RHOBTB1: variants seen among roughly 807,000 people sequenced by gnomAD.
RHOBTB1 encodes the protein rho-related BTB domain-containing protein 1.
In RHOBTB1, 40 loss-of-function variants were observed where a neutral mutation model predicts 71.6. The observed-to-expected ratio is 0.56, with a 90% CI of 0.43 to 0.73. The LOEUF is 0.73. RHOBTB1 is among the 30% of genes least tolerant of loss of function. RHOBTB1 has a pLI of 0.00. For missense variants in RHOBTB1, 797 were observed against 894.0 expected, an observed-to-expected ratio of 0.89 and a Z score of 1.38; for synonymous variants, 319 against 334.9, an observed-to-expected ratio of 0.95 and a Z score of 0.52.
intron 2 of RHOBTB1, among the ~76,000 whole-genome samples, chr10:60,922,900 G>A (rs1211489037): frequency 6.6e-6 from 1 of 152,158 alleles, no homozygotes; most frequent in East Asian, 1.9e-4. Context: ...GTCAGGTGAG[G>A]GGGTGCTGCC....
At chr10:60,864,628 G>A (rs1358837667), downstream of RHOBTB1, among the ~76,000 whole-genome samples, 2 of 151,646 alleles carry the variant, frequency 1.3e-5, no homozygotes, top group African/African-American at 4.8e-5. Context: ...TTCTTTTTTG[G>A]ATTGTTAAGC....
At chr10:60,997,642 T>C (rs2087103792) in intron 1 of RHOBTB1, among the ~76,000 whole-genome samples, 6 of 152,220 alleles carry the variant, frequency 3.9e-5, no homozygotes, top group Admixed American at 3.9e-4. Flanking sequence ...CTATTTGGAC[T>C]GTCCAAGCAT....
intron 2 of RHOBTB1, among the ~76,000 whole-genome samples, chr10:60,955,721 T>A (rs995261113): frequency 6.6e-6 from 1 of 152,184 alleles, no homozygotes; most frequent in Non-Finnish European, 1.5e-5. Context: ...ATGTGTCAGT[T>A]ACAGATACTC....
chr10:60,929,646 TA>T (rs2084112017), intron 2 of RHOBTB1, among the ~76,000 whole-genome samples: 1 of 152,150 alleles, frequency 6.6e-6, no homozygotes, highest in Non-Finnish European at 1.5e-5. Context: ...CTGCCAGAGA[TA>T]ATCTAGAAGG....
rs370454260 is a variant in RHOBTB1 at position 60,886,084 on chromosome 10, A to T, written c.1575+28T>A. The T allele has an allele frequency of 8.0e-6, 12 of 1,500,956 alleles. No individual in the cohort carries two copies. The African/African-American group carries it at 1.5e-4, about 19-fold the overall frequency. The allele number at this position is 1,500,956 out of a possible 1,614,324, so 93.0% of individuals were successfully genotyped here. Reference sequence around the variant, plus strand: ...CAGGCACACATACATTCATAAAGACACCACTATGCTTTTAGGAAGGCACGT... The same window carrying T: ...CAGGCACACATACATTCATAAAGACTCCACTATGCTTTTAGGAAGGCACGT... On this transcript the variant is annotated intron_variant, in intron 7 of 10. Transcript: ENST00000337910.
At chr10:60,981,622 A>G (rs1184776112) in intron 2 of RHOBTB1, among the ~76,000 whole-genome samples, 2 of 152,220 alleles carry the variant, frequency 1.3e-5, no homozygotes, top group African/African-American at 4.8e-5. Flanking sequence ...ATAACCAATT[A>G]ATCAAGATCT....
chr10:60,980,999 G>C (rs2086477519), intron 2 of RHOBTB1, among the ~76,000 whole-genome samples: 1 of 152,172 alleles, frequency 6.6e-6, no homozygotes, highest in Admixed American at 6.5e-5. Context: ...ATGCTAGAAA[G>C]ATGTGTACAT....
At chr10:60,962,083 C>T (rs1318919730) in intron 2 of RHOBTB1, among the ~76,000 whole-genome samples, 3 of 152,086 alleles carry the variant, frequency 2.0e-5, no homozygotes, top group Admixed American at 6.6e-5. Flanking sequence ...GCTAGGATTA[C>T]AGGCCTAAGC....
In RHOBTB1 at chr10:60,904,846, T is replaced by C. The variant is rs148868024; in HGVS notation, c.296+6041A>G. The stretch of plus-strand genomic sequence containing the variant: ...TGCTTTTCTTTCATGCCTTTCTACT[T>C]TTTTCTATAACCTGAGCAATTTTTA... On this transcript the variant is annotated intron_variant, in intron 4 of 10. Coordinates refer to ENST00000337910, the MANE Select transcript of RHOBTB1 (RefSeq NM_014836.5). Among the ~76,000 whole-genome samples the C allele has an allele frequency of 7.3e-3, 1,107 of 152,304 alleles. 7 individuals are homozygous for C. The highest frequency in any genetic ancestry group is 0.037 in the Middle Eastern group (11 of 294).
At chr10:60,944,733 C>T (rs1475478849), upstream of RHOBTB1, among the ~76,000 whole-genome samples, 2 of 152,164 alleles carry the variant, frequency 1.3e-5, no homozygotes, top group East Asian at 1.9e-4. Context: ...GTTTCAAAAC[C>T]GAGCCCAGCT....
chr10:60,980,979 A>G (rs1291113379), intron 2 of RHOBTB1, among the ~76,000 whole-genome samples: 1 of 152,240 alleles, frequency 6.6e-6, no homozygotes, highest in Non-Finnish European at 1.5e-5. Flanking sequence ...ATTATCAACT[A>G]TATTAAAATA....
At chr10:60,880,231 G>T (rs1403464406) in intron 7 of RHOBTB1, among the ~76,000 whole-genome samples, 1 of 149,000 alleles carries the variant, frequency 6.7e-6, no homozygotes, top group South Asian at 2.2e-4. Context: ...GAGAGAGAGA[G>T]AGAGAGAGAC....
At chr10:60,977,916 A>G (rs185493418) in intron 2 of RHOBTB1, among the ~76,000 whole-genome samples, 93 of 152,268 alleles carry the variant, frequency 6.1e-4, no homozygotes, top group African/African-American at 2.2e-3. Flanking sequence ...TCATGTAGAC[A>G]TAAATTAATC....
chr10:60,921,957 G>T (rs532300296), intron 2 of RHOBTB1, among the ~76,000 whole-genome samples: 2 of 152,366 alleles, frequency 1.3e-5, no homozygotes, highest in East Asian at 3.9e-4. Context: ...CACCAAATGG[G>T]AAGGTGGTGG....
chr10:60,939,812 T>C (rs76937479), intron 2 of RHOBTB1, among the ~76,000 whole-genome samples: 6,923 of 152,252 alleles, frequency 0.045, 268 homozygotes, highest in African/African-American at 0.099. Flanking sequence ...TTTAAAGAGG[T>C]AAGTCATGCA....
At chr10:60,972,862 C>T (rs559126478) in intron 2 of RHOBTB1, among the ~76,000 whole-genome samples, 21 of 152,056 alleles carry the variant, frequency 1.4e-4, no homozygotes, top group Admixed American at 2.0e-4. Flanking sequence ...TATGGCAACC[C>T]TGCTTGGAAG....
intron 4 of RHOBTB1, among the ~76,000 whole-genome samples, chr10:60,909,078 G>C (rs1408337247): frequency 1.3e-5 from 2 of 152,116 alleles, no homozygotes; most frequent in African/African-American, 4.8e-5. Flanking sequence ...ATTTTTGTTG[G>C]GAGGGAACAC....
At chr10:60,935,551 G>A (rs1357604701) in intron 2 of RHOBTB1, among the ~76,000 whole-genome samples, 1 of 152,026 alleles carries the variant, frequency 6.6e-6, no homozygotes, top group Non-Finnish European at 1.5e-5. Flanking sequence ...GTTCTTTGAG[G>A]TATTTCAGTG....
At chr10:60,940,344 C>T (rs767147300) in intron 2 of RHOBTB1, among the ~76,000 whole-genome samples, 6 of 151,932 alleles carry the variant, frequency 3.9e-5, no homozygotes, top group Non-Finnish European at 5.9e-5. Context: ...AATTACTCTA[C>T]GAAAAGAAAG....
Sources: gnomAD v4.1 joint callset for allele counts (sites outside exome capture counted in the v4.1 genomes callset) on GRCh38, gnomAD v4.1.1 for gene constraint, MANE v1.5 for transcripts, NCBI Gene and HGNC (gene_info 2026-07-23, HGNC 2026-07-21) for gene names.